ZBTB25: variants seen among roughly 807,000 people sequenced by gnomAD.
ZBTB25 encodes zinc finger and BTB domain containing 25, also known as zinc finger and BTB domain-containing protein 25.
A neutral mutation model predicts 34.2 loss-of-function variants in ZBTB25; 20 were observed. That is an observed-to-expected ratio of 0.58 (90% CI 0.41 to 0.85). ZBTB25 has a LOEUF of 0.85. Among genes scored for constraint, ZBTB25 ranks in the 40% least tolerant of loss-of-function variants. The pLI, the probability that ZBTB25 is intolerant of heterozygous loss-of-function variation, is 0.00. For missense variants in ZBTB25, 437 were observed against 521.8 expected, an observed-to-expected ratio of 0.84 and a Z score of 1.58; for synonymous variants, 175 against 186.4, an observed-to-expected ratio of 0.94 and a Z score of 0.50.
At chr14:64,499,012 G>A (rs768599382) in intron 1 of ZBTB25, among the ~76,000 whole-genome samples, 4 of 152,032 alleles carry the variant, frequency 2.6e-5, no homozygotes, top group African/African-American at 9.7e-5. Flanking sequence ...AGAAGAACAC[G>A]GGACCAAGGA....
intron 2 of ZBTB25, chr14:64,468,754 G>A (rs1264462388): frequency 6.2e-7 from 1 of 1,614,162 alleles, no homozygotes. Flanking sequence ...CTAAGAAAAA[G>A]GCAAAATCTA....
chr14:64,477,306 T>TG (rs2078728846), downstream of ZBTB25, among the ~76,000 whole-genome samples: 1 of 152,210 alleles, frequency 6.6e-6, no homozygotes, highest in Non-Finnish European at 1.5e-5. Context: ...ATGGCCATCA[T>TG]GGTGGCTCTG....
chr14:64,449,882 G>A (rs1317546382), intron 2 of ZBTB25, among the ~76,000 whole-genome samples: 1 of 152,180 alleles, frequency 6.6e-6, no homozygotes, highest in Non-Finnish European at 1.5e-5. Flanking sequence ...TCTGCCTCCT[G>A]GGTTCAAGTG....
chr14:64,485,732 C>G lies in ZBTB25; in HGVS notation c.*1191G>C. ...GATTTTTAGAAAATTAAAATCAACC[C>G]AGGAAGCCCCAAAAATCCTGACGCT... On this transcript the variant is annotated 3_prime_UTR_variant, in exon 3 of 3. Coordinates refer to ENST00000608382, the MANE Select transcript of ZBTB25 (RefSeq NM_006977.5). 1.0e-6 allele frequency: 1 copy of G among 985,310 alleles called. No homozygotes were observed. The highest frequency in any genetic ancestry group is 1.2e-6 in the Non-Finnish European group (1 of 829,906). 61.0% of individuals were successfully genotyped at this position (985,310 alleles called of 1,614,324 possible).
At position 64,486,800 on chromosome 14, in the gene ZBTB25, C is replaced by T. The variant is rs1208559030; in HGVS notation, c.*123G>A. The T allele has an allele frequency of 7.0e-7, 1 of 1,435,020 alleles. No homozygotes were observed. Among genetic ancestry groups the T allele is most frequent in the Non-Finnish European group, 9.1e-7 (1 of 1,098,632 alleles). 88.9% of individuals were successfully genotyped at this position (1,435,020 alleles called of 1,614,324 possible). ...AGATCTAATATATACAACCTTAAAACCATGGATAAGCTGTGAAGAAAAAAA... is the reference window on the plus strand; with the variant it reads ...AGATCTAATATATACAACCTTAAAATCATGGATAAGCTGTGAAGAAAAAAA... On this transcript the variant is annotated 3_prime_UTR_variant, in exon 3 of 3. Transcript: ENST00000608382.
chr14:64,487,361 C>G lies in ZBTB25; in HGVS notation c.870G>C (p.Glu290Asp). The change falls in exon 3 of 3, where the codon GAG becomes GAC. Residue 290 changes from glutamate to aspartate, a missense_variant. Glu to Asp is a conservative substitution (Grantham distance 45, BLOSUM62 2). Coordinates refer to ENST00000608382, the MANE Select transcript of ZBTB25 (RefSeq NM_006977.5). ...GEVHPLNENS[E>D]ALECRRLSSF... ...AGCTGAGCCTGCGGCATTCAAGGGCCTCGCTGTTTTCATTAAGGGGATGCA... is the reference window on the plus strand; with the variant it reads ...AGCTGAGCCTGCGGCATTCAAGGGCGTCGCTGTTTTCATTAAGGGGATGCA... 3.1e-6 allele frequency: 5 copies of G among 1,614,106 alleles called. No homozygotes were observed. The highest frequency in any genetic ancestry group is 3.4e-6 in the Non-Finnish European group (4 of 1,180,012).
rs2078843407 is a variant in ZBTB25 at position 64,485,034 on chromosome 14, T to C, written c.*1889A>G. Reference sequence around the variant, plus strand: ...TCTCAACACACATCAGTCTTAACCATAGGAGCCTTTACTCACTTGTTTAAG... The same window carrying C: ...TCTCAACACACATCAGTCTTAACCACAGGAGCCTTTACTCACTTGTTTAAG... On this transcript the variant is annotated 3_prime_UTR_variant, in exon 3 of 3. Transcript: ENST00000608382. The C allele has an allele frequency of 1.1e-5, 11 of 985,500 alleles. No individual in the cohort carries two copies. Among genetic ancestry groups the C allele is most frequent in the Non-Finnish European group, 1.3e-5 (11 of 829,950 alleles). The allele number at this position is 985,500 out of a possible 1,614,324, so 61.0% of individuals were successfully genotyped here.
chr14:64,466,096 T>C (rs562354437), intron 2 of ZBTB25, among the ~76,000 whole-genome samples: 16 of 152,194 alleles, frequency 1.1e-4, no homozygotes, highest in African/African-American at 3.9e-4. Context: ...GAAAGATGCA[T>C]TGCTTTCCTC....
chr14:64,505,098 G>T (rs1203074495), upstream of ZBTB25: 2 of 353,812 alleles, frequency 5.7e-6, no homozygotes, highest in African/African-American at 2.1e-5. Flanking sequence ...ACCCGGTGAC[G>T]GGCGGCTGCC....
rs367755785 is a variant in ZBTB25, at chr14:64,454,652, C to T, written c.174-5014G>A. The T allele has an allele frequency of 1.8e-4, 228 of 1,263,252 alleles. 1 individual carries two copies. In the Middle Eastern group the frequency reaches 7.3e-3, roughly 40 times the overall value. 78.3% of individuals were successfully genotyped at this position (1,263,252 alleles called of 1,614,324 possible). On this transcript the variant is annotated intron_variant, in intron 2 of 2. Transcript: ENST00000555220. ...ATAAATTGAAGAATCCATGTAATCA[C>T]AGGGCCCAGATGGTCATTGCTGGGT...
chr14:64,503,630 C>A lies in ZBTB25; in HGVS notation c.-8+31G>T, dbSNP rs1341247559. The A allele has an allele frequency of 6.1e-6, 6 of 985,258 alleles. No homozygotes were observed. The South Asian group carries it at 2.8e-4, about 46-fold the overall frequency. 61.0% of individuals were successfully genotyped at this position (985,258 alleles called of 1,614,324 possible). On this transcript the variant is annotated intron_variant, in intron 1 of 2. Transcript: ENST00000608382. Reference sequence around the variant, plus strand: ...GCGGCAGGAGGGACTGAGCCCGGGGCAGCCCACAGGGGCAGGACCGCGTCG... The same window carrying A: ...GCGGCAGGAGGGACTGAGCCCGGGGAAGCCCACAGGGGCAGGACCGCGTCG...
Position 64,486,890 on chromosome 14 carries a change from A to G in ZBTB25, c.*33T>C. 1 of 1,528,262 alleles carries G rather than the reference A, an allele frequency of 6.5e-7. No homozygotes were observed. 94.7% of individuals were successfully genotyped at this position (1,528,262 alleles called of 1,614,324 possible). On this transcript the variant is annotated 3_prime_UTR_variant, in exon 3 of 3. Coordinates refer to ENST00000608382, the MANE Select transcript of ZBTB25 (RefSeq NM_006977.5). ...AAATGCCACGCAAATTTTCTTTTTCAGAATTGGTATAAAAATTCTGAAAGA... is the reference window on the plus strand; with the variant it reads ...AAATGCCACGCAAATTTTCTTTTTCGGAATTGGTATAAAAATTCTGAAAGA...
At chr14:64,504,303 G>GGGCGAGGTTGCCGGAGCAC (rs1377509497), upstream of ZBTB25, among the ~76,000 whole-genome samples, 72 of 152,230 alleles carry the variant, frequency 4.7e-4, 1 homozygote, top group African/African-American at 1.3e-3. Flanking sequence ...CGACGGGGCA[G>GGGCGAGGTTGCCGGAGCAC]GGCGAGGTTG....
chr14:64,478,290 A>C lies in ZBTB25; in HGVS notation c.*8633T>G, dbSNP rs1041407281. 4 of 152,192 alleles carry C rather than the reference A, an allele frequency of 2.6e-5. No homozygotes were observed. Among genetic ancestry groups the C allele is most frequent in the African/African-American group, 9.7e-5 (4 of 41,440 alleles). 9.4% of individuals were successfully genotyped at this position (152,192 alleles called of 1,614,324 possible). On this transcript the variant is annotated 3_prime_UTR_variant, in exon 3 of 3. Coordinates refer to ENST00000608382, the MANE Select transcript of ZBTB25 (RefSeq NM_006977.5). ...GGGAGGCAGGCTGTATTCACTTAGT[A>C]TTGGAAGGTGAGAAGAGCTGAAGGT... is the stretch of plus-strand genomic sequence containing the variant.
intron 2 of ZBTB25, chr14:64,468,166 G>C (rs1348284619): frequency 1.6e-5 from 5 of 314,934 alleles, no homozygotes; most frequent in Non-Finnish European, 2.9e-5. Flanking sequence ...TTTATCCAAA[G>C]AAGGGCTTTC....
intron 2 of ZBTB25, chr14:64,453,813 T>C (rs779409432): frequency 6.2e-7 from 1 of 1,613,300 alleles, no homozygotes; most frequent in East Asian, 2.2e-5. Flanking sequence ...CAGATGACAT[T>C]GAATTACTTC....
intron 1 of ZBTB25, among the ~76,000 whole-genome samples, chr14:64,498,380 T>G (rs1278019677): frequency 6.6e-6 from 1 of 151,470 alleles, no homozygotes; most frequent in African/African-American, 2.4e-5. Context: ...TGGCGCGATC[T>G]CGGCTCAATG....
rs138670155 is a variant in ZBTB25, at chr14:64,487,907, A to T, written c.324T>A (p.Ser108=). The T allele has an allele frequency of 1.9e-6, 3 of 1,614,086 alleles. No homozygotes were observed. The African/African-American group carries it at 4.0e-5, about 22-fold the overall frequency. Reference sequence around the variant, plus strand: ...CTTGATTCATTTCAGTTGCAATGTGAGAAAGGTAGTCGGCGTGAAGAAATC... The same window carrying T: ...CTTGATTCATTTCAGTTGCAATGTGTGAAAGGTAGTCGGCGTGAAGAAATC... ...GIRFLHADYL[S]HIATEMNQVF... Residue 108 remains serine, a synonymous_variant, in exon 3 of 3, where the codon TCT becomes TCA. Transcript: ENST00000608382.
At position 64,487,651 on chromosome 14, in the gene ZBTB25, C is replaced by T; in HGVS notation, c.580G>A (p.Glu194Lys). 1 of 1,605,640 alleles carries T rather than the reference C, an allele frequency of 6.2e-7. No homozygotes were observed. Among genetic ancestry groups the T allele is most frequent in the Admixed American group, 1.7e-5 (1 of 59,122 alleles). The change falls in exon 3 of 3, where the codon GAG (glutamate) becomes AAG (lysine). Residue 194 changes from glutamate to lysine, a missense_variant. By Grantham distance (56) the Glu-to-Lys change is moderately conservative. Transcript: ENST00000608382. The stretch of plus-strand genomic sequence containing the variant: ...GAAACTGGGGGCTTCTGGTGCTCCT[C>T]CAGGGCCTGGGTGGCAGGACAGGCC... ...QRACPATQAL[E>K]EHQKPPVSIK...
Sources: allele counts gnomAD v4.1 joint callset (sites outside exome capture counted in the v4.1 genomes callset), GRCh38; gene constraint gnomAD v4.1.1; transcripts MANE v1.5; gene names NCBI Gene and HGNC (gene_info 2026-07-23, HGNC 2026-07-21).